ASTN2: variants seen among roughly 807,000 people sequenced by gnomAD.
ASTN2 encodes astrotactin-2.
Under a neutral mutation model 139.8 loss-of-function variants are expected in ASTN2, and 54 were observed. That is an observed-to-expected ratio of 0.39 (90% confidence interval 0.31 to 0.48). ASTN2 has a LOEUF of 0.48. Among genes scored for constraint, ASTN2 ranks in the 20% least tolerant of loss-of-function variants. The pLI is 0.95. For synonymous variants in ASTN2, 756 were observed against 719.5 expected (o/e 1.05, Z -0.81); for missense variants, 1,565 against 1,725.1 (o/e 0.91, Z 1.64).
intron 10 of ASTN2, among the ~76,000 whole-genome samples, chr9:116,938,104 GA>G (rs1835127308): frequency 6.6e-6 from 1 of 152,192 alleles, no homozygotes; most frequent in South Asian, 2.1e-4. Flanking sequence ...ACAGAAATAT[GA>G]AATGACAACT....
At chr9:116,642,155 A>AAAAAAAAT (rs1554724609) in intron 17 of ASTN2, among the ~76,000 whole-genome samples, 1 of 149,796 alleles carries the variant, frequency 6.7e-6, no homozygotes, top group Non-Finnish European at 1.5e-5. Flanking sequence ...ACAAAAAAAA[A>AAAAAAAAT]CAGAATCAGT....
intron 3 of ASTN2, among the ~76,000 whole-genome samples, chr9:117,180,365 A>G (rs1396574613): frequency 2.0e-5 from 3 of 152,098 alleles, no homozygotes; most frequent in Non-Finnish European, 2.9e-5. Context: ...AGTTCCTACA[A>G]TGTTCTCTCC....
chr9:116,867,778 A>G (rs1054846826), intron 10 of ASTN2, among the ~76,000 whole-genome samples: 3 of 152,286 alleles, frequency 2.0e-5, no homozygotes. Flanking sequence ...CTTAAAACAC[A>G]AAGACCTGAC....
At chr9:116,688,047 G>C (rs1361589374) in intron 16 of ASTN2, among the ~76,000 whole-genome samples, 1 of 152,026 alleles carries the variant, frequency 6.6e-6, no homozygotes, top group Admixed American at 6.5e-5. Context: ...CACAGTGCCC[G>C]ATGGAATGCA....
At chr9:116,474,860 C>T (rs572719016) in intron 20 of ASTN2, among the ~76,000 whole-genome samples, 1 of 152,224 alleles carries the variant, frequency 6.6e-6, no homozygotes, top group Non-Finnish European at 1.5e-5. Context: ...TGTGATCCCA[C>T]TCCAGAAGCC....
chr9:117,193,639 CAAAAAAAA>C (rs61700943), intron 3 of ASTN2, among the ~76,000 whole-genome samples: 5 of 106,108 alleles, frequency 4.7e-5, no homozygotes, highest in South Asian at 3.4e-4. Flanking sequence ...ATTCAGTCAC[CAAAAAAAA>C]AAAAAAAAAG....
intron 1 of ASTN2, among the ~76,000 whole-genome samples, chr9:117,408,570 C>A (rs1011677004): frequency 6.6e-6 from 1 of 152,186 alleles, no homozygotes; most frequent in African/African-American, 2.4e-5. Context: ...GGAGGCCTTG[C>A]CAGCCAAAGG....
At chr9:117,340,677 G>C (rs1452259864) in intron 1 of ASTN2, among the ~76,000 whole-genome samples, 1 of 152,158 alleles carries the variant, frequency 6.6e-6, no homozygotes, top group Non-Finnish European at 1.5e-5. Context: ...TGAGGTCACA[G>C]GCAGAAATGC....
intron 10 of ASTN2, among the ~76,000 whole-genome samples, chr9:116,920,922 T>A (rs77849330): frequency 0.045 from 6,854 of 152,254 alleles, 466 homozygotes; most frequent in African/African-American, 0.15. Flanking sequence ...ACAGGAAATA[T>A]CCATCTGTTT....
At chr9:117,363,958 T>G (rs1449333517) in intron 1 of ASTN2, among the ~76,000 whole-genome samples, 1 of 152,220 alleles carries the variant, frequency 6.6e-6, no homozygotes, top group Non-Finnish European at 1.5e-5. Context: ...TGTTTTGTTT[T>G]GTATCCACCT....
intron 1 of ASTN2, among the ~76,000 whole-genome samples, chr9:117,406,291 C>T (rs1229662467): frequency 1.3e-5 from 2 of 152,212 alleles, no homozygotes; most frequent in African/African-American, 4.8e-5. Flanking sequence ...TCAGGCTTTC[C>T]TGCACCCATC....
chr9:116,653,384 T>C (rs1390723600), intron 16 of ASTN2, among the ~76,000 whole-genome samples: 1 of 152,236 alleles, frequency 6.6e-6, no homozygotes, highest in Non-Finnish European at 1.5e-5. Context: ...TTTTATAGGC[T>C]GGCCTTCTAT....
At chr9:117,152,974 A>G (rs1384107872) in intron 3 of ASTN2, among the ~76,000 whole-genome samples, 1 of 152,152 alleles carries the variant, frequency 6.6e-6, no homozygotes, top group East Asian at 1.9e-4. Flanking sequence ...CATAATGTCC[A>G]TGGTACATGG....
At chr9:116,951,457 G>T (rs1835561332) in intron 10 of ASTN2, among the ~76,000 whole-genome samples, 1 of 148,358 alleles carries the variant, frequency 6.7e-6, no homozygotes, top group African/African-American at 2.5e-5. Flanking sequence ...CCCATTTATA[G>T]TTAAGTCAGT....
intron 1 of ASTN2, among the ~76,000 whole-genome samples, chr9:117,409,570 A>C (rs1265156260): frequency 6.6e-6 from 1 of 152,178 alleles, no homozygotes; most frequent in Admixed American, 6.5e-5. Context: ...ATCCTCTCAG[A>C]TCTTTCAAGA....
rs1057096297 is a variant in ASTN2, at chr9:116,552,843, G to A, written c.3356-65343C>T. On this transcript the variant is annotated intron_variant, in intron 19 of 22. Transcript: ENST00000313400. ...AGCTGCATGGGCACAGTCAGTGGAC[G>A]TGCACAACCTCTGCAGGGCAGTCAA... 2.6e-5 allele frequency among the ~76,000 whole-genome samples: 4 copies of A among 152,238 alleles called. 1 individual carries two copies. Among genetic ancestry groups the A allele is most frequent in the African/African-American group, 7.2e-5 (3 of 41,466 alleles).
intron 16 of ASTN2, 49 bp from the exon 17 acceptor site, chr9:116,651,842 CA>C: frequency 6.3e-7 from 1 of 1,589,490 alleles, no homozygotes; most frequent in Non-Finnish European, 8.6e-7. Context: ...CAGGATTATT[CA>C]AAAGGCCAGA....
At chr9:116,651,934 G>A (rs901284365) in intron 16 of ASTN2, 141 bp from the exon 17 acceptor site, 8 of 1,060,266 alleles carry the variant, frequency 7.5e-6, no homozygotes, top group Non-Finnish European at 1.1e-5. Context: ...ATTTATTCAT[G>A]ATGCCTTGGA....
chr9:117,291,775 A>G (rs1834600672), intron 1 of ASTN2, among the ~76,000 whole-genome samples: 1 of 152,236 alleles, frequency 6.6e-6, no homozygotes, highest in Non-Finnish European at 1.5e-5. Context: ...AGTACATCAC[A>G]TGTGATCAGG....
Sources: allele counts gnomAD v4.1 joint callset (sites outside exome capture counted in the v4.1 genomes callset), GRCh38; gene constraint gnomAD v4.1.1; transcripts MANE v1.5; gene names NCBI Gene and HGNC (gene_info 2026-07-23, HGNC 2026-07-21).